Variants in ZDHHC19 observed in about 807,000 individuals in gnomAD.
ZDHHC19 encodes the protein zDHHC palmitoyltransferase 19.
Under a neutral mutation model 33.9 loss-of-function variants are expected in ZDHHC19, and 30 were observed. The ratio of observed to expected loss-of-function variants is 0.88; its 90% CI spans 0.66 to 1.20. ZDHHC19 has a LOEUF of 1.20. Among genes scored for constraint, ZDHHC19 ranks in the 50% most tolerant of loss-of-function variants. ZDHHC19 has a pLI of 0.00. For missense variants in ZDHHC19, 364 were observed against 401.1 expected (o/e 0.91, Z 0.79); for synonymous variants, 178 against 167.6 (o/e 1.06, Z -0.48).
intron 7 of ZDHHC19, 22 bp downstream of exon 7, chr3:196,198,254 C>T (rs773426565): frequency 2.7e-6 from 4 of 1,482,686 alleles, no homozygotes; most frequent in Admixed American, 2.4e-5. Flanking sequence ...CACAGACACC[C>T]ACGCACACAC....
At chr3:196,202,722 T>C (rs973222638) in intron 5 of ZDHHC19, among the ~76,000 whole-genome samples, 1 of 152,180 alleles carries the variant, frequency 6.6e-6, no homozygotes, top group Non-Finnish European at 1.5e-5. Context: ...GAAAGAGTAG[T>C]ATGAGGCCTG....
intron 2 of ZDHHC19, among the ~76,000 whole-genome samples, chr3:196,210,306 G>GA (rs1723142996): frequency 7.4e-6 from 1 of 135,626 alleles, no homozygotes; most frequent in African/African-American, 2.9e-5. Flanking sequence ...AGGAAAGAGA[G>GA]AGGAAGAAAG....
At chr3:196,210,866 C>G in intron 1 of ZDHHC19, 129 bp from the exon 2 acceptor site, 3 of 1,383,786 alleles carry the variant, frequency 2.2e-6, no homozygotes, top group Non-Finnish European at 2.9e-6. Flanking sequence ...TCCAAATACC[C>G]AGGCAGACTC....
intron 5 of ZDHHC19, among the ~76,000 whole-genome samples, chr3:196,204,942 C>T (rs1162043044): frequency 6.6e-6 from 1 of 152,062 alleles, no homozygotes; most frequent in African/African-American, 2.4e-5. Flanking sequence ...CCCATCTCTA[C>T]TAAAAATGCA....
chr3:196,211,174 A>G lies in ZDHHC19; in HGVS notation c.142T>C (p.Phe48Leu). 2 of 1,614,172 alleles carry G rather than the reference A, an allele frequency of 1.2e-6. No homozygotes were observed. Among genetic ancestry groups the G allele is most frequent in the Non-Finnish European group, 1.7e-6 (2 of 1,180,044 alleles). The change falls in exon 1 of 8, where the codon TTC (phenylalanine) becomes CTC (leucine). Residue 48 changes from phenylalanine to leucine, a missense_variant. Phe to Leu is a conservative substitution (Grantham distance 22, BLOSUM62 0). Transcript: ENST00000296326. ...CGGCTTGCCTGGAAAACTCACGGGA[A>G]TGCGAAGAAGAGGCCACTGAAAAAG... ...LVFFSGLFFAFPCRWLAQNGE... is the reference protein window; with the variant it reads ...LVFFSGLFFALPCRWLAQNGE...
chr3:196,205,799 A>G (rs1290019492), intron 5 of ZDHHC19, among the ~76,000 whole-genome samples: 1 of 151,986 alleles, frequency 6.6e-6, no homozygotes, highest in East Asian at 1.9e-4. Context: ...AGCTGGGATT[A>G]CAGGCACATG....
At chr3:196,207,560 G>A in intron 4 of ZDHHC19, 57 bp from the exon 5 acceptor site, 1 of 1,247,998 alleles carries the variant, frequency 8.0e-7, no homozygotes, top group South Asian at 1.7e-5. Context: ...CGCCCCCCAG[G>A]CCCGACTCCG....
rs188036977 is a variant in ZDHHC19 at position 196,198,838 on chromosome 3, C to G, written c.724G>C (p.Gly242Arg). 15 of 1,614,112 alleles carry G rather than the reference C, an allele frequency of 9.3e-6. No individual in the cohort carries two copies. Among genetic ancestry groups the G allele is most frequent in the Non-Finnish European group, 1.3e-5 (15 of 1,179,996 alleles). The stretch of plus-strand genomic sequence containing the variant: ...GTTAAATACCAGTTGCTGGCACAGC[C>G]CTGGTCGAAGGGGTTGTATCCCTGA... The part of the protein sequence containing the change: ...HLQGYNPFDQ[G>R]CASNWYLTIC... Residue 242 changes from glycine (G) to arginine (R), a missense_variant, in exon 6 of 8, where the codon GGC becomes CGC. By Grantham distance (125) the Gly-to-Arg change is moderately radical. Coordinates refer to ENST00000296326, the MANE Select transcript of ZDHHC19 (RefSeq NM_001039617.2).
intron 5 of ZDHHC19, among the ~76,000 whole-genome samples, chr3:196,200,544 C>A (rs549393705): frequency 2.0e-5 from 3 of 149,128 alleles, no homozygotes; most frequent in Admixed American, 6.7e-5. Flanking sequence ...TTAGTAGAGA[C>A]GGGGTTTCAC....
rs1553816030 is a variant in ZDHHC19 at position 196,198,353 on chromosome 3, G to A, written c.872C>T (p.Pro291Leu). Reference sequence around the variant, plus strand: ...TAGGGACCCAGAGGTTGGGGCTGGGGGGTTGAGAGCAGAGGGGGACATTGG... The same window carrying A: ...TAGGGACCCAGAGGTTGGGGCTGGGAGGTTGAGAGCAGAGGGGGACATTGG... ...HPPMSPSALN[P>L]PAPTSGSLQS... The change falls in exon 7 of 8, where the codon CCC becomes CTC. Residue 291 changes from proline to leucine, a missense_variant. Physicochemically the swap from Pro to Leu is moderately conservative, Grantham distance 98 (BLOSUM62 -3). Transcript: ENST00000296326. 1.3e-6 allele frequency: 2 copies of A among 1,521,418 alleles called. No homozygotes were observed. Among genetic ancestry groups the A allele is most frequent in the Admixed American group, 4.4e-5 (2 of 45,560 alleles). The allele number at this position is 1,521,418 out of a possible 1,614,324, so 94.2% of individuals were successfully genotyped here. A position where few individuals can be genotyped will look rare whatever the true frequency, so the allele number is the denominator to read the frequency against.
In ZDHHC19 at chr3:196,209,384, A is replaced by C. The variant is rs2108740413; in HGVS notation, c.400T>G (p.Cys134Gly). ...RTYHCPWCNI[C>G]VEDFDHHCKW... ...GGTAGAGGGGCACTCACCTCCACAC[A>C]GATGTTGCACCAGGGGCAGTGGTAA... is the stretch of plus-strand genomic sequence containing the variant. The change falls in exon 3 of 8, where the codon TGT becomes GGT. Residue 134 changes from cysteine (C) to glycine (G), a missense_variant. Transcript: ENST00000296326. 1 of 1,601,278 alleles carries C rather than the reference A, an allele frequency of 6.2e-7. No homozygotes were observed. The highest frequency in any genetic ancestry group is 8.5e-7 in the Non-Finnish European group (1 of 1,174,434).
At chr3:196,209,982 G>A (rs1478121551) in intron 2 of ZDHHC19, among the ~76,000 whole-genome samples, 2 of 152,312 alleles carry the variant, frequency 1.3e-5, no homozygotes, top group Non-Finnish European at 2.9e-5. Context: ...ATGAGGTCAG[G>A]AGTTCGAGAC....
At chr3:196,200,628 A>G (rs1213138290) in intron 5 of ZDHHC19, among the ~76,000 whole-genome samples, 1 of 147,146 alleles carries the variant, frequency 6.8e-6, no homozygotes, top group Non-Finnish European at 1.5e-5. Context: ...TGCTGGGATT[A>G]CAAGCGTGAG....
intron 5 of ZDHHC19, among the ~76,000 whole-genome samples, chr3:196,201,059 A>G (rs563166406): frequency 1.5e-4 from 23 of 151,780 alleles, no homozygotes; most frequent in African/African-American, 5.1e-4. Context: ...TAATAAATTC[A>G]TAAGACTGAC....
intron 2 of ZDHHC19, 113 bp downstream of exon 2, chr3:196,210,503 G>A: frequency 1.4e-6 from 2 of 1,382,434 alleles, no homozygotes; most frequent in Non-Finnish European, 2.0e-6. Flanking sequence ...GACGTGGGGT[G>A]AAGGGGTCCA....
chr3:196,199,934 C>G (rs145540495), intron 5 of ZDHHC19, among the ~76,000 whole-genome samples: 327 of 151,274 alleles, frequency 2.2e-3, no homozygotes, highest in Middle Eastern at 3.5e-3. Flanking sequence ...GACAGAGCGA[C>G]ACTCTGGCTC....
chr3:196,206,946 C>A (rs1022911801), intron 5 of ZDHHC19, among the ~76,000 whole-genome samples: 1 of 152,084 alleles, frequency 6.6e-6, no homozygotes, highest in Non-Finnish European at 1.5e-5. Flanking sequence ...CCCTCACCCG[C>A]AATGCCCTCC....
Position 196,208,340 on chromosome 3 carries a change from C to G in ZDHHC19, c.581+48G>C, listed in dbSNP as rs202176784. On this transcript the variant is annotated intron_variant, in intron 4 of 7. Coordinates refer to ENST00000296326, the MANE Select transcript of ZDHHC19 (RefSeq NM_001039617.2). The stretch of plus-strand genomic sequence containing the variant: ...ATAGCCCCGCCCTCTGCAGCCCCCT[C>G]CTTGGCTGTCCCCGCCTCCTCTCCT... 5.0e-5 allele frequency: 79 copies of G among 1,595,418 alleles called. No homozygotes were observed. In the Middle Eastern group the frequency reaches 2.8e-3, roughly 57 times the overall value.
rs1178453947 is a variant in ZDHHC19, at chr3:196,203,605, C to A, written c.687+3793G>T. ...CTGCGGGCTGCGGGAAGGAGCCCTG[C>A]CTGGTGAATCGCAGGCCACGTTAGG... On this transcript the variant is annotated intron_variant, in intron 5 of 7. Coordinates refer to ENST00000296326, the MANE Select transcript of ZDHHC19 (RefSeq NM_001039617.2). The surrounding 1 kb of genome is among the most constrained non-coding windows in gnomAD (Gnocchi z 4.3). Among the ~76,000 whole-genome samples, 1 of 152,134 alleles carries A rather than the reference C, an allele frequency of 6.6e-6. No individual in the cohort carries two copies. The highest frequency in any genetic ancestry group is 1.5e-5 in the Non-Finnish European group (1 of 68,024).
Sources: allele counts gnomAD v4.1 joint callset (sites outside exome capture counted in the v4.1 genomes callset), GRCh38; gene constraint gnomAD v4.1.1; non-coding constraint Gnocchi (gnomAD v3.1); transcripts MANE v1.5; gene names NCBI Gene and HGNC (gene_info 2026-07-23, HGNC 2026-07-21).